The following ANXA8 variants were observed in gnomAD, a reference collection of about 807,000 sequenced individuals.
ANXA8 encodes annexin A8.
ANXA8 carries 9 observed loss-of-function variants against 26.8 expected under a neutral mutation model. The observed-to-expected ratio is 0.34, with a 90% CI of 0.20 to 0.59. The LOEUF (loss-of-function observed/expected upper bound fraction) is 0.59, where lower values mean the gene tolerates loss of function less well. ANXA8 is among the 20% of genes least tolerant of loss of function. The probability of loss-of-function intolerance (pLI) is 0.84; values close to 1 mark genes in which losing one functional copy is unlikely to be tolerated. For synonymous variants in ANXA8, 39 were observed against 94.8 expected, an observed-to-expected ratio of 0.41 and a Z score of 3.42; for missense variants, 83 against 238.5, an observed-to-expected ratio of 0.35 and a Z score of 4.29.
At chr10:47,709,671 T>TCTA in the ANXA8 span, among the ~76,000 whole-genome samples, 1 of 123,480 alleles carries the variant, frequency 8.1e-6, no homozygotes, top group Non-Finnish European at 1.6e-5. Flanking sequence ...TGGTCATCAT[T>TCTA]CTATGTGGTA....
At chr10:47,970,368 A>G in the ANXA8 span, 15 of 151,052 alleles carry the variant, frequency 9.9e-5, no homozygotes, top group African/African-American at 3.4e-4. Context: ...ATGTTCTAGG[A>G]AAGGAGGTGT....
At chr10:47,624,080 CAA>C in the ANXA8 span, among the ~76,000 whole-genome samples, 1 of 90,672 alleles carries the variant, frequency 1.1e-5, no homozygotes. Context: ...ACTAAAAATA[CAA>C]AAAAAAAAAA....
At chr10:47,489,059 C>T (rs1840100411), upstream of ANXA8, among the ~76,000 whole-genome samples, 1 of 148,690 alleles carries the variant, frequency 6.7e-6, no homozygotes, top group African/African-American at 2.5e-5. Flanking sequence ...GCTCTGTAGC[C>T]CAGGCTGGAG....
the ANXA8 span, among the ~76,000 whole-genome samples, chr10:47,673,235 G>A: frequency 4.0e-5 from 6 of 151,782 alleles, no homozygotes; most frequent in South Asian, 2.1e-4. Context: ...GGCCAGTGAC[G>A]AACTGGCATA....
the ANXA8 span, among the ~76,000 whole-genome samples, chr10:47,644,666 G>A: frequency 6.6e-6 from 1 of 151,630 alleles, no homozygotes. Context: ...ATATTTAAGG[G>A]TCTTTCCTAT....
rs1163432532 is a variant in ANXA8, at chr10:47,476,507, G to A, written c.322-185C>T. Among the ~76,000 whole-genome samples the A allele has an allele frequency of 3.0e-5, 4 of 131,838 alleles. 1 individual carries two copies. Among genetic ancestry groups the A allele is most frequent in the African/African-American group, 1.1e-4 (4 of 36,096 alleles). 86.5% of individuals were successfully genotyped at this position (131,838 alleles called of 152,430 possible). A position where few individuals can be genotyped will look rare whatever the true frequency, so the allele number is the denominator to read the frequency against. On this transcript the variant is annotated intron_variant, in intron 4 of 11. Transcript: ENST00000585281. Reference sequence around the variant, plus strand: ...GAACATTGAGGGCAAGTGCTGTGACGGGGAAGCCCTGTCTCAGCTCTCCCT... The same window carrying A: ...GAACATTGAGGGCAAGTGCTGTGACAGGGAAGCCCTGTCTCAGCTCTCCCT...
chr10:47,733,215 TTCTTTC>T, the ANXA8 span, among the ~76,000 whole-genome samples: 194 of 95,020 alleles, frequency 2.0e-3, 2 homozygotes, highest in South Asian at 7.2e-3. Context: ...CTTTCTTTCT[TTCTTTC>T]TCTTTCTTTC....
At chr10:47,559,549 G>C in the ANXA8 span, among the ~76,000 whole-genome samples, 3 of 151,804 alleles carry the variant, frequency 2.0e-5, no homozygotes, top group Non-Finnish European at 4.4e-5. Context: ...GGCTTTTTCT[G>C]TTTGTGGGTA....
At chr10:47,777,245 C>T in the ANXA8 span, among the ~76,000 whole-genome samples, 46 of 151,650 alleles carry the variant, frequency 3.0e-4, no homozygotes, top group African/African-American at 1.1e-3. Context: ...AAGTTGCATC[C>T]AGTGCCTATG....
At chr10:47,682,930 G>A in the ANXA8 span, among the ~76,000 whole-genome samples, 3 of 152,204 alleles carry the variant, frequency 2.0e-5, no homozygotes, top group African/African-American at 7.2e-5. Flanking sequence ...ACCCACACTG[G>A]CCTAAGGCAT....
chr10:47,652,948 A>G, the ANXA8 span, among the ~76,000 whole-genome samples: 1 of 151,390 alleles, frequency 6.6e-6, no homozygotes, highest in African/African-American at 2.5e-5. Context: ...TTATATTTAT[A>G]AAGATCACTT....
the ANXA8 span, among the ~76,000 whole-genome samples, chr10:47,969,387 G>C: frequency 6.6e-6 from 1 of 150,546 alleles, no homozygotes; most frequent in African/African-American, 2.4e-5. Flanking sequence ...TTTATGATTT[G>C]CTTAGAGCAC....
At chr10:47,565,048 G>A in the ANXA8 span, 9 of 789,054 alleles carry the variant, frequency 1.1e-5, no homozygotes, top group Non-Finnish European at 2.1e-5. Flanking sequence ...ACATCATGAA[G>A]ACCATGGGCA....
the ANXA8 span, among the ~76,000 whole-genome samples, chr10:47,755,102 G>A: frequency 1.4e-4 from 21 of 150,398 alleles, no homozygotes; most frequent in East Asian, 3.9e-4. Context: ...GCCTACAGGC[G>A]TGCACCACCA....
chr10:47,950,427 T>C, the ANXA8 span, among the ~76,000 whole-genome samples: 1 of 152,132 alleles, frequency 6.6e-6, no homozygotes, highest in Non-Finnish European at 1.5e-5. Context: ...TCTACCTAAA[T>C]ACAGATTTTT....
At chr10:47,945,615 C>T in the ANXA8 span, among the ~76,000 whole-genome samples, 20 of 139,616 alleles carry the variant, frequency 1.4e-4, no homozygotes, top group African/African-American at 4.3e-4. Context: ...GATGATGACA[C>T]CAGGGCTCTT....
the ANXA8 span, among the ~76,000 whole-genome samples, chr10:47,716,721 A>G: frequency 6.1e-5 from 2 of 32,776 alleles, no homozygotes; most frequent in Admixed American, 7.6e-4. Context: ...TAGAAAATTT[A>G]TAAGCTTTTA....
chr10:47,587,506 A>G, the ANXA8 span, among the ~76,000 whole-genome samples: 19 of 146,544 alleles, frequency 1.3e-4, no homozygotes, highest in Non-Finnish European at 2.5e-4. Flanking sequence ...ACTTGATTTA[A>G]TTCCATTCAC....
chr10:47,895,292 G>A, the ANXA8 span, among the ~76,000 whole-genome samples: 1 of 152,214 alleles, frequency 6.6e-6, no homozygotes, highest in Non-Finnish European at 1.5e-5. Context: ...AGGAGTGCTT[G>A]GAGGGACACC....
Sources: gnomAD v4.1 joint callset for allele counts (sites outside exome capture counted in the v4.1 genomes callset) on GRCh38, gnomAD v4.1.1 for gene constraint, MANE v1.5 for transcripts, NCBI Gene and HGNC (gene_info 2026-07-23, HGNC 2026-07-21) for gene names.